The following COL18A1 variants were observed in gnomAD, a reference collection of about 807,000 sequenced individuals.
The protein encoded by COL18A1 is collagen alpha-1(XVIII) chain.
COL18A1 carries 133 observed loss-of-function variants against 168.0 expected under a neutral mutation model. The observed-to-expected ratio is 0.79, with a 90% CI of 0.69 to 0.91. COL18A1 has a LOEUF of 0.91. Among genes scored for constraint, COL18A1 ranks in the 40% least tolerant of loss-of-function variants. The pLI is 0.00. For synonymous variants in COL18A1, 949 were observed against 809.0 expected (o/e 1.17, Z -2.94); for missense variants, 2,126 against 1,925.4 (o/e 1.10, Z -1.95).
chr21:45,454,347 A>G (rs138250212), intron 2 of COL18A1, among the ~76,000 whole-genome samples: 533 of 152,186 alleles, frequency 3.5e-3, no homozygotes, highest in African/African-American at 0.012. Context: ...CTGCTGTCAC[A>G]TTAACTGACC....
chr21:45,438,275 C>T (rs199966984), intron 2 of COL18A1, among the ~76,000 whole-genome samples: 1 of 121,524 alleles, frequency 8.2e-6, no homozygotes, highest in African/African-American at 3.6e-5. Context: ...CACTCAGACA[C>T]ACAGGCACTC....
intron 8 of COL18A1, 31 bp downstream of exon 8, chr21:45,477,996 CG>C (rs2035743122): frequency 8.4e-7 from 1 of 1,195,754 alleles, no homozygotes; most frequent in African/African-American, 1.5e-5. Flanking sequence ...GAGTCCGGCC[CG>C]GTCTGGAGGG....
At chr21:45,428,923 A>G (rs1326992480) in intron 2 of COL18A1, among the ~76,000 whole-genome samples, 2 of 144,770 alleles carry the variant, frequency 1.4e-5, no homozygotes, top group Non-Finnish European at 3.0e-5. Context: ...TTTTAATTTG[A>G]GACGGAGTCT....
At chr21:45,479,144 G>T (rs556399065) in intron 9 of COL18A1, among the ~76,000 whole-genome samples, 2 of 142,140 alleles carry the variant, frequency 1.4e-5, no homozygotes, top group East Asian at 4.1e-4. Flanking sequence ...GTATGTATGT[G>T]CATGTGTTTG....
rs778364546 is a variant in COL18A1 at position 45,505,262 on chromosome 21, T to G, written c.2997T>G (p.Pro999=). The change falls in exon 35 of 42, where the codon CCT becomes CCG. Residue 999 remains proline, a synonymous_variant. Transcript: ENST00000651438. ...PPGPPGPPSF[P]GPHRQTISVP... is the part of the protein sequence containing the mutation. ...GCCCCCCAGGGCCCCCTTCATTTCCTGGCCCTCACAGGCAGAGTAAGTCAG... is the reference window on the plus strand; with the variant it reads ...GCCCCCCAGGGCCCCCTTCATTTCCGGGCCCTCACAGGCAGAGTAAGTCAG... 6.2e-7 allele frequency: 1 copy of G among 1,607,738 alleles called. No individual in the cohort carries two copies. Among genetic ancestry groups the G allele is most frequent in the Non-Finnish European group, 8.5e-7 (1 of 1,176,464 alleles).
chr21:45,505,493 C>T (rs2037143040), intron 36 of COL18A1, 62 bp downstream of exon 36: 1 of 881,914 alleles, frequency 1.1e-6, no homozygotes, highest in Non-Finnish European at 1.8e-6. Context: ...TCTGCAGCCC[C>T]TGCCCCTCAG....
chr21:45,405,361 C>T lies in COL18A1; in HGVS notation c.12-18C>T, dbSNP rs2033061276. The T allele has an allele frequency of 3.3e-6, 4 of 1,206,556 alleles. No individual in the cohort carries two copies. Among genetic ancestry groups the T allele is most frequent in the Non-Finnish European group, 3.1e-6 (3 of 975,368 alleles). 74.7% of individuals were successfully genotyped at this position (1,206,556 alleles called of 1,614,324 possible). On this transcript the variant is annotated intron_variant, in intron 1 of 41. Transcript: ENST00000651438. Reference sequence around the variant, plus strand: ...CGCGGGGGTCCTGCGGGGTCTGACCCGTGCCTGTCCCGCGCAGGTGCCCCT... The same window carrying T: ...CGCGGGGGTCCTGCGGGGTCTGACCTGTGCCTGTCCCGCGCAGGTGCCCCT...
intron 2 of COL18A1, among the ~76,000 whole-genome samples, chr21:45,438,340 TCACA>T (rs797010559): frequency 0.01 from 155 of 14,960 alleles, 5 homozygotes; most frequent in African/African-American, 0.036. Context: ...ACACACACAC[TCACA>T]CACTCAGACA....
intron 32 of COL18A1, among the ~76,000 whole-genome samples, chr21:45,503,763 G>A (rs1458702899): frequency 1.3e-5 from 2 of 151,718 alleles, no homozygotes; most frequent in East Asian, 3.9e-4. Flanking sequence ...TCATGCACAT[G>A]TACCCTAAAA....
At chr21:45,432,112 A>G (rs990968124) in intron 2 of COL18A1, among the ~76,000 whole-genome samples, 5 of 152,158 alleles carry the variant, frequency 3.3e-5, no homozygotes, top group Non-Finnish European at 7.4e-5. Flanking sequence ...TAGAGCAGAC[A>G]CAGGTTGGAG....
intron 15 of COL18A1, among the ~76,000 whole-genome samples, chr21:45,483,489 T>C (rs2035970336): frequency 6.6e-6 from 1 of 151,924 alleles, no homozygotes; most frequent in Admixed American, 6.5e-5. Context: ...ACTTCCTCCT[T>C]CTGTTCTGCG....
chr21:45,464,586 C>T (rs912166343), intron 2 of COL18A1, among the ~76,000 whole-genome samples: 2 of 152,202 alleles, frequency 1.3e-5, no homozygotes, highest in Admixed American at 6.5e-5. Flanking sequence ...TTTTGGAGGT[C>T]AGAGTCTGAA....
chr21:45,447,095 A>G (rs886247352), intron 2 of COL18A1, among the ~76,000 whole-genome samples: 1 of 152,162 alleles, frequency 6.6e-6, no homozygotes, highest in African/African-American at 2.4e-5. Flanking sequence ...TCTGTTTAAC[A>G]TTGTACTGGA....
Position 45,504,468 on chromosome 21 carries a change from C to G in COL18A1, c.2780C>G (p.Pro927Arg). ...GGACAGAAAGGCGAAAGGGGGGAGC[C>G]CGGGGGCGGCGGTTTCTTCGGCTCC... ...DAGQKGERGE[P>R]GGGGFFGSSL... The change falls in exon 34 of 42, where the codon CCC becomes CGC. Residue 927 changes from proline to arginine, a missense_variant. By Grantham distance (103) the Pro-to-Arg change is moderately radical. Transcript: ENST00000651438. The G allele has an allele frequency of 6.2e-7, 1 of 1,609,458 alleles. No individual in the cohort carries two copies. Among genetic ancestry groups the G allele is most frequent in the Non-Finnish European group, 8.5e-7 (1 of 1,178,540 alleles).
intron 2 of COL18A1, chr21:45,421,298 A>G: frequency 4.8e-6 from 2 of 412,936 alleles, no homozygotes; most frequent in Non-Finnish European, 1.0e-5. Context: ...GCGGCTGGAC[A>G]TGGGAGGAGG....
intron 28 of COL18A1, 142 bp from the exon 29 acceptor site, chr21:45,495,216 G>A (rs889439111): frequency 6.7e-5 from 50 of 742,278 alleles, no homozygotes; most frequent in Non-Finnish European, 9.9e-5. Context: ...GAGAAGGGCC[G>A]GGGTAGCCTG....
intron 2 of COL18A1, among the ~76,000 whole-genome samples, chr21:45,461,823 C>A (rs1300413575): frequency 6.6e-6 from 1 of 152,174 alleles, no homozygotes; most frequent in East Asian, 1.9e-4. Flanking sequence ...GTTGCAATAC[C>A]AGCTTTTATA....
rs1179919619 is a variant in COL18A1, at chr21:45,443,523, G to A, written c.107-24719G>A. On this transcript the variant is annotated intron_variant, in intron 2 of 41. Transcript: ENST00000651438. The surrounding 1 kb of genome is among the most constrained non-coding windows in gnomAD (Gnocchi z 5.2). ...ACCCAGAGCTAGGAGCCTCGGCCAA[G>A]GGCTCCCTCCTTGCACTGTGGTCTC... 6.6e-6 allele frequency among the ~76,000 whole-genome samples: 1 copy of A among 152,146 alleles called. No individual in the cohort carries two copies. Among genetic ancestry groups the A allele is most frequent in the Admixed American group, 6.5e-5 (1 of 15,290 alleles).
chr21:45,458,382 A>C (rs1350120657), intron 2 of COL18A1, among the ~76,000 whole-genome samples: 2 of 150,946 alleles, frequency 1.3e-5, no homozygotes, highest in African/African-American at 4.9e-5. Context: ...GGCTGTTGGC[A>C]TCTCATAGGG....
Sources: gnomAD v4.1 joint callset for allele counts (sites outside exome capture counted in the v4.1 genomes callset) on GRCh38, gnomAD v4.1.1 for gene constraint, Gnocchi (gnomAD v3.1) non-coding constraint, MANE v1.5 for transcripts, NCBI Gene and HGNC (gene_info 2026-07-23, HGNC 2026-07-21) for gene names.